KLRG1: variants seen among roughly 807,000 people sequenced by gnomAD.
The protein encoded by KLRG1 is killer cell lectin-like receptor subfamily G member 1.
Under a neutral mutation model 21.8 loss-of-function variants are expected in KLRG1, and 16 were observed. That is an observed-to-expected ratio of 0.73 (90% confidence interval 0.50 to 1.11). The LOEUF (loss-of-function observed/expected upper bound fraction) is 1.11. Ranked by LOEUF, KLRG1 falls within the 50% of genes most tolerant of loss-of-function variation. The pLI, the probability that KLRG1 is intolerant of heterozygous loss-of-function variation, is 0.00. For missense variants in KLRG1, 173 were observed against 218.3 expected, an observed-to-expected ratio of 0.79 and a Z score of 1.31; for synonymous variants, 69 against 75.9, an observed-to-expected ratio of 0.91 and a Z score of 0.47.
intron 1 of KLRG1, among the ~76,000 whole-genome samples, chr12:8,967,713 A>G (rs1946500260): frequency 6.6e-6 from 1 of 152,162 alleles, no homozygotes; most frequent in African/African-American, 2.4e-5. Context: ...TGGCCAACAG[A>G]GCTGGACCTT....
chr12:8,978,764 G>A (rs1327496592), intron 1 of KLRG1, among the ~76,000 whole-genome samples: 1 of 144,472 alleles, frequency 6.9e-6, no homozygotes, highest in African/African-American at 2.6e-5. Flanking sequence ...ACCCAGGCTG[G>A]AGTGCAGTGG....
At chr12:9,187,415 C>T in the KLRG1 span, among the ~76,000 whole-genome samples, 5 of 152,086 alleles carry the variant, frequency 3.3e-5, no homozygotes, top group African/African-American at 1.2e-4. Context: ...ACTCTAAAAC[C>T]GATCACACAA....
the KLRG1 span, among the ~76,000 whole-genome samples, chr12:9,047,363 A>C: frequency 2.0e-5 from 3 of 152,230 alleles, no homozygotes. Flanking sequence ...AAACAGACTT[A>C]GATTAGTTGT....
At position 9,010,188 on chromosome 12, in the gene KLRG1, A is replaced by T; in HGVS notation, c.*651A>T. 3 of 260,778 alleles carry T rather than the reference A, an allele frequency of 1.2e-5. No homozygotes were observed. The highest frequency in any genetic ancestry group is 6.1e-5 in the East Asian group (1 of 16,278). The allele number at this position is 260,778 out of a possible 1,614,324, so 16.2% of individuals were successfully genotyped here. A position where few individuals can be genotyped will look rare whatever the true frequency, so the allele number is the denominator to read the frequency against. ...GAGATAGAGCAAGACTCCATCTCTA[A>T]AAAAAAAAAAAAATGCTAATGTGAG... is the stretch of plus-strand genomic sequence containing the variant. On this transcript the variant is annotated 3_prime_UTR_variant, in exon 5 of 5. Coordinates refer to ENST00000356986, the MANE Select transcript of KLRG1 (RefSeq NM_005810.4).
the KLRG1 span, among the ~76,000 whole-genome samples, chr12:9,051,973 C>T: frequency 7.2e-5 from 11 of 152,278 alleles, no homozygotes; most frequent in East Asian, 3.9e-4. Flanking sequence ...GCACTATGCA[C>T]GAAGGTGGCA....
chr12:9,179,531 T>A, the KLRG1 span, among the ~76,000 whole-genome samples: 2 of 152,228 alleles, frequency 1.3e-5, no homozygotes, highest in Non-Finnish European at 2.9e-5. Flanking sequence ...GTGTAGTAGG[T>A]CATTTTTTAA....
At chr12:9,098,537 C>T in the KLRG1 span, 8 of 1,507,092 alleles carry the variant, frequency 5.3e-6, no homozygotes, top group Admixed American at 1.6e-4. Flanking sequence ...TCCTACTTAT[C>T]CAGTCATTTT....
chr12:9,122,034 G>T, the KLRG1 span, among the ~76,000 whole-genome samples: 3 of 152,080 alleles, frequency 2.0e-5, no homozygotes, highest in Non-Finnish European at 4.4e-5. Context: ...TAGGAACCCT[G>T]TTGCTTATAA....
At chr12:9,153,020 G>T in the KLRG1 span, 10 of 1,605,160 alleles carry the variant, frequency 6.2e-6, no homozygotes, top group South Asian at 1.1e-4. Context: ...ATTACTTAAC[G>T]TCTCCAGAGG....
chr12:9,061,908 A>T, the KLRG1 span, among the ~76,000 whole-genome samples: 1 of 152,148 alleles, frequency 6.6e-6, no homozygotes, highest in East Asian at 1.9e-4. Context: ...TGGGACACGG[A>T]AACCAACCCC....
chr12:9,198,645 A>T, the KLRG1 span, among the ~76,000 whole-genome samples: 1 of 152,194 alleles, frequency 6.6e-6, no homozygotes, highest in South Asian at 2.1e-4. Context: ...TGCACATGTT[A>T]TATTAGTCCT....
At chr12:9,154,522 A>C in the KLRG1 span, 541 of 1,186,958 alleles carry the variant, frequency 4.6e-4, 3 homozygotes, top group South Asian at 7.6e-3. Context: ...CAATGATTTA[A>C]TAATTGCCTT....
chr12:9,070,566 G>A, the KLRG1 span: 1 of 1,613,106 alleles, frequency 6.2e-7, no homozygotes, highest in Non-Finnish European at 8.5e-7. Context: ...AGGCAGAGCG[G>A]CTCCCTGTGT....
the KLRG1 span, among the ~76,000 whole-genome samples, chr12:9,211,941 C>T: frequency 2.6e-5 from 4 of 152,126 alleles, no homozygotes; most frequent in African/African-American, 9.7e-5. Flanking sequence ...TGGACTGCCT[C>T]CTAGACCTTG....
At chr12:9,064,112 G>T in the KLRG1 span, among the ~76,000 whole-genome samples, 2 of 152,132 alleles carry the variant, frequency 1.3e-5, no homozygotes, top group Admixed American at 6.5e-5. The surrounding 1 kb of genome is among the most constrained non-coding windows in gnomAD (Gnocchi z 4.0). Context: ...CTTTCTCCTG[G>T]CCTTTTTGTC....
the KLRG1 span, chr12:9,160,466 T>C: frequency 6.2e-7 from 1 of 1,613,834 alleles, no homozygotes; most frequent in Admixed American, 1.7e-5. Flanking sequence ...TTGTATATTT[T>C]GCATAGCAGA....
At chr12:9,088,637 T>G in the KLRG1 span, among the ~76,000 whole-genome samples, 1 of 152,148 alleles carries the variant, frequency 6.6e-6, no homozygotes, top group South Asian at 2.1e-4. Flanking sequence ...GAGAATGCAT[T>G]GTGCTGATAA....
Position 9,009,987 on chromosome 12 carries a change from C to A in KLRG1, c.*450C>A. On this transcript the variant is annotated 3_prime_UTR_variant, in exon 5 of 5. Transcript: ENST00000356986. Reference sequence around the variant, plus strand: ...ATTACTGATCCCTGATGGTATATTTCTATCCTAACAGTGTCCCTTTGCAGA... The same window carrying A: ...ATTACTGATCCCTGATGGTATATTTATATCCTAACAGTGTCCCTTTGCAGA... 1.3e-6 allele frequency: 2 copies of A among 1,533,988 alleles called. No individual in the cohort carries two copies. The highest frequency in any genetic ancestry group is 1.7e-6 in the Non-Finnish European group (2 of 1,145,562).
the KLRG1 span, among the ~76,000 whole-genome samples, chr12:9,214,806 A>G: frequency 0.81 from 122,632 of 151,796 alleles, 49,629 homozygotes; most frequent in East Asian, 0.88. Flanking sequence ...TTTTGATTAC[A>G]TAAGTGTAAC....
Sources: allele counts gnomAD v4.1 joint callset (sites outside exome capture counted in the v4.1 genomes callset), GRCh38; gene constraint gnomAD v4.1.1; non-coding constraint Gnocchi (gnomAD v3.1); transcripts MANE v1.5; gene names NCBI Gene and HGNC (gene_info 2026-07-23, HGNC 2026-07-21).